Variants in PKN2 observed in about 807,000 individuals in gnomAD.
The protein encoded by PKN2 is serine/threonine-protein kinase N2.
Under a neutral mutation model 119.1 loss-of-function variants are expected in PKN2, and 38 were observed. The ratio of observed to expected loss-of-function variants is 0.32; its 90% CI spans 0.25 to 0.42. The LOEUF is 0.42. Ranked by LOEUF, PKN2 falls within the 10% of genes least tolerant of loss-of-function variation. The pLI is 1.00. For missense variants in PKN2, 850 were observed against 1,165.1 expected (o/e 0.73, Z 3.94); for synonymous variants, 390 against 384.9 (o/e 1.01, Z -0.15).
At chr1:88,706,833 G>C (rs1000236531) in intron 1 of PKN2, among the ~76,000 whole-genome samples, 5 of 152,010 alleles carry the variant, frequency 3.3e-5, no homozygotes, top group African/African-American at 1.2e-4. Context: ...ATAGGTTAAT[G>C]AGCAGTACTT....
At chr1:88,803,879 ATATTCT>A (rs1357407184) in intron 8 of PKN2, among the ~76,000 whole-genome samples, 1 of 152,178 alleles carries the variant, frequency 6.6e-6, no homozygotes, top group East Asian at 1.9e-4. Context: ...AAATGACCTA[ATATTCT>A]TAAAGTGCTT....
chr1:88,767,313 T>A (rs1243481024), intron 3 of PKN2, among the ~76,000 whole-genome samples: 1 of 152,212 alleles, frequency 6.6e-6, no homozygotes, highest in Non-Finnish European at 1.5e-5. Context: ...AGTTTATATA[T>A]AATAAGATTT....
chr1:88,721,366 CTT>C (rs1002195024), intron 1 of PKN2, among the ~76,000 whole-genome samples: 19 of 152,102 alleles, frequency 1.2e-4, no homozygotes, highest in African/African-American at 4.6e-4. Flanking sequence ...GTTTTTGACC[CTT>C]TGTTCTTAAG....
At chr1:88,830,939 TTA>T (rs1360452431) in intron 19 of PKN2, among the ~76,000 whole-genome samples, 1 of 152,010 alleles carries the variant, frequency 6.6e-6, no homozygotes, top group Non-Finnish European at 1.5e-5. Context: ...TGGCTAAAGT[TTA>T]TGTCAGATTT....
intron 4 of PKN2, among the ~76,000 whole-genome samples, chr1:88,770,772 A>G (rs1220771305): frequency 6.6e-6 from 1 of 151,036 alleles, no homozygotes; most frequent in Non-Finnish European, 1.5e-5. Context: ...TTTTTAGTAG[A>G]GACGGGGTTT....
intron 4 of PKN2, 56 bp downstream of exon 4, chr1:88,770,525 T>G (rs1669843575): frequency 1.1e-6 from 1 of 924,272 alleles, no homozygotes; most frequent in East Asian, 2.4e-5. Flanking sequence ...AATAATCTTA[T>G]GCAGGAACAG....
chr1:88,755,270 T>C (rs1213510881), intron 2 of PKN2, among the ~76,000 whole-genome samples: 1 of 152,076 alleles, frequency 6.6e-6, no homozygotes. Flanking sequence ...ATGCTCAAAT[T>C]TAACGTACAA....
intron 3 of PKN2, among the ~76,000 whole-genome samples, chr1:88,762,405 A>G (rs1669483578): frequency 6.6e-6 from 1 of 152,202 alleles, no homozygotes; most frequent in Middle Eastern, 3.2e-3. Flanking sequence ...TAGGCCTGCC[A>G]GTTATTTCTG....
intron 8 of PKN2, among the ~76,000 whole-genome samples, chr1:88,800,520 C>T (rs1323829217): frequency 1.3e-5 from 2 of 152,070 alleles, no homozygotes; most frequent in Non-Finnish European, 2.9e-5. Flanking sequence ...ATGACATCAC[C>T]AGAAGGAATA....
At position 88,744,552 on chromosome 1, in the gene PKN2, C is replaced by G. The variant is rs570675842; in HGVS notation, c.349+3264C>G. The stretch of plus-strand genomic sequence containing the variant: ...TCTCCTGCCTCAGCCTCCCGAGTAG[C>G]TGGCACTACAGGCTCCATGCCACCA... On this transcript the variant is annotated intron_variant, in intron 2 of 21. Coordinates refer to ENST00000370521, the MANE Select transcript of PKN2 (RefSeq NM_006256.4). Among the ~76,000 whole-genome samples the G allele has an allele frequency of 9.2e-5, 14 of 152,310 alleles. No homozygotes were observed. In the South Asian group the frequency reaches 1.7e-3, roughly 18 times the overall value.
intron 1 of PKN2, among the ~76,000 whole-genome samples, chr1:88,738,368 A>G (rs1321365996): frequency 6.6e-6 from 1 of 152,230 alleles, no homozygotes; most frequent in African/African-American, 2.4e-5. Context: ...TCCCAGCAAG[A>G]GTTGTTCTTG....
rs376459446 is a variant in PKN2 at position 88,833,067 on chromosome 1, A to T, written c.2671-10A>T. 2 of 1,598,210 alleles carry T rather than the reference A, an allele frequency of 1.3e-6. No individual in the cohort carries two copies. Among genetic ancestry groups the T allele is most frequent in the African/African-American group, 2.7e-5 (2 of 73,966 alleles). On this transcript the variant is annotated splice_polypyrimidine_tract_variant and intron_variant, in intron 20 of 21. Transcript: ENST00000370521. ...TTTTATTTTAACTTTTTTATTTTACATTATGCTAGCTGTTAAGAAGAAATC... is the reference window on the plus strand; with the variant it reads ...TTTTATTTTAACTTTTTTATTTTACTTTATGCTAGCTGTTAAGAAGAAATC...
chr1:88,705,116 ATCTTT>A (rs540483763), intron 1 of PKN2, among the ~76,000 whole-genome samples: 36 of 151,222 alleles, frequency 2.4e-4, no homozygotes, highest in Admixed American at 5.9e-4. Context: ...TCTGTAGCTT[ATCTTT>A]TCTTTTCTTT....
At chr1:88,768,807 G>A (rs1669767610) in intron 3 of PKN2, among the ~76,000 whole-genome samples, 1 of 152,152 alleles carries the variant, frequency 6.6e-6, no homozygotes, top group African/African-American at 2.4e-5. Flanking sequence ...AATTTATAAA[G>A]AAAAAGGTTT....
intron 1 of PKN2, among the ~76,000 whole-genome samples, chr1:88,711,882 A>G (rs1667246977): frequency 6.6e-6 from 1 of 152,168 alleles, no homozygotes; most frequent in Admixed American, 6.6e-5. Context: ...ATAAACATAT[A>G]TGATTGGATC....
intron 16 of PKN2, among the ~76,000 whole-genome samples, chr1:88,818,821 C>G (rs1268874322): frequency 6.6e-6 from 1 of 152,022 alleles, no homozygotes; most frequent in African/African-American, 2.4e-5. Flanking sequence ...GTACTGGTAC[C>G]AAAACATGTA....
intron 1 of PKN2, among the ~76,000 whole-genome samples, chr1:88,688,547 T>G (rs1398830371): frequency 1.3e-5 from 2 of 152,214 alleles, no homozygotes; most frequent in African/African-American, 4.8e-5. Context: ...GAAAAATGAT[T>G]TCTACATTCC....
rs956625931 is a variant in PKN2 at position 88,834,824 on chromosome 1, G to A, written c.*1376G>A. ...GTAGTTTTTTGTTTGTTTTGGTTTG[G>A]TTTGATTTTATATTTTTTTCTCCTA... On this transcript the variant is annotated 3_prime_UTR_variant, in exon 22 of 22. Transcript: ENST00000370521. 1.1e-4 allele frequency: 17 copies of A among 152,050 alleles called. No homozygotes were observed. Among genetic ancestry groups the A allele is most frequent in the African/African-American group, 3.6e-4 (15 of 41,316 alleles). 9.4% of individuals were successfully genotyped at this position (152,050 alleles called of 1,614,324 possible). A position where few individuals can be genotyped will look rare whatever the true frequency, so the allele number is the denominator to read the frequency against.
intron 1 of PKN2, among the ~76,000 whole-genome samples, chr1:88,731,977 T>A (rs1190007722): frequency 2.6e-5 from 4 of 152,214 alleles, no homozygotes. Flanking sequence ...TTGTACAAAG[T>A]AAAAGTCATT....
Sources: allele counts gnomAD v4.1 joint callset (sites outside exome capture counted in the v4.1 genomes callset), GRCh38; gene constraint gnomAD v4.1.1; transcripts MANE v1.5; gene names NCBI Gene and HGNC (gene_info 2026-07-23, HGNC 2026-07-21).